The following ARHGAP28 variants were observed in gnomAD, a reference collection of about 807,000 sequenced individuals.
The protein encoded by ARHGAP28 is Rho GTPase activating protein 28, also known as rho GTPase-activating protein 28.
Under a neutral mutation model 90.7 loss-of-function variants are expected in ARHGAP28, and 56 were observed. That is an observed-to-expected ratio of 0.62 (90% CI 0.50 to 0.77). The LOEUF (loss-of-function observed/expected upper bound fraction) is 0.77. ARHGAP28 is among the 30% of genes least tolerant of loss of function. The pLI is 0.00. For missense variants in ARHGAP28, 869 were observed against 900.9 expected (o/e 0.96, Z 0.45); for synonymous variants, 308 against 323.3 (o/e 0.95, Z 0.51).
intron 1 of ARHGAP28, among the ~76,000 whole-genome samples, chr18:6,766,539 C>T (rs1318923796): frequency 6.6e-6 from 1 of 152,070 alleles, no homozygotes; most frequent in African/African-American, 2.4e-5. Flanking sequence ...CTGAGCACAG[C>T]GTGGTACTAA....
chr18:6,844,908 A>G (rs937822580), intron 3 of ARHGAP28, among the ~76,000 whole-genome samples: 1 of 152,226 alleles, frequency 6.6e-6, no homozygotes, highest in Non-Finnish European at 1.5e-5. Flanking sequence ...CTTTAATAAC[A>G]AAAATAACAA....
At chr18:6,877,350 G>A (rs915131253) in intron 10 of ARHGAP28, among the ~76,000 whole-genome samples, 4 of 152,210 alleles carry the variant, frequency 2.6e-5, no homozygotes, top group African/African-American at 9.6e-5. Flanking sequence ...CTGGGGTGAG[G>A]CTCTAACCAC....
rs192782805 is a variant in ARHGAP28, at chr18:6,821,251, A to G, written c.123-3511A>G. Among the ~76,000 whole-genome samples the G allele has an allele frequency of 2.0e-4, 30 of 152,322 alleles. No homozygotes were observed. In the South Asian group the frequency reaches 3.5e-3, roughly 18 times the overall value. On this transcript the variant is annotated intron_variant, in intron 1 of 17. Coordinates refer to ENST00000383472, the MANE Select transcript of ARHGAP28 (RefSeq NM_001366230.1). ...GGCTAAAAAGACAATGGAAGAAAAA[A>G]TAGAATAATAAAATCTTTTCTTAAT...
At chr18:6,834,177 ATTTT>A (rs1031703205) in intron 2 of ARHGAP28, among the ~76,000 whole-genome samples, 1 of 151,818 alleles carries the variant, frequency 6.6e-6, no homozygotes, top group African/African-American at 2.4e-5. Flanking sequence ...AAAAAGCAGA[ATTTT>A]TTTTCTCTCA....
chr18:6,757,996 T>C (rs2056126012), intron 1 of ARHGAP28, among the ~76,000 whole-genome samples: 1 of 152,186 alleles, frequency 6.6e-6, no homozygotes, highest in Non-Finnish European at 1.5e-5. Flanking sequence ...GAGCTATAAA[T>C]TTTTGGCTCT....
intron 5 of ARHGAP28, among the ~76,000 whole-genome samples, chr18:6,865,019 G>C (rs1236930416): frequency 6.6e-6 from 1 of 152,164 alleles, no homozygotes; most frequent in Non-Finnish European, 1.5e-5. Context: ...TATTTTTAAA[G>C]AGATAACTAA....
intron 1 of ARHGAP28, among the ~76,000 whole-genome samples, chr18:6,747,304 A>G (rs1482075306): frequency 3.3e-5 from 5 of 152,124 alleles, no homozygotes; most frequent in African/African-American, 7.2e-5. Context: ...ATGTGTGTAT[A>G]TTGGTCTATA....
intron 4 of ARHGAP28, among the ~76,000 whole-genome samples, chr18:6,854,175 A>G (rs1316801497): frequency 3.3e-5 from 5 of 152,056 alleles, no homozygotes; most frequent in African/African-American, 1.2e-4. Flanking sequence ...TGGAAAACTT[A>G]TATAGTAGAA....
intron 1 of ARHGAP28, chr18:6,730,176 AGCAG>A: frequency 4.3e-6 from 1 of 231,704 alleles, no homozygotes. Flanking sequence ...GAGATTAGCA[AGCAG>A]CAGGATTGCA....
At chr18:6,757,320 G>T (rs758505508) in intron 1 of ARHGAP28, among the ~76,000 whole-genome samples, 12 of 152,092 alleles carry the variant, frequency 7.9e-5, no homozygotes, top group Non-Finnish European at 1.3e-4. Flanking sequence ...TAGGGGGCAG[G>T]GCAGTGTTTA....
intron 1 of ARHGAP28, among the ~76,000 whole-genome samples, chr18:6,813,149 C>G (rs1445725523): frequency 1.3e-5 from 2 of 152,192 alleles, no homozygotes; most frequent in African/African-American, 4.8e-5. Flanking sequence ...ACAGGGAAAG[C>G]TGAGTAAAAT....
At chr18:6,841,180 C>CTCTCTCTCCTCTCTCTCTCTCTCCT (rs1491103592) in intron 3 of ARHGAP28, among the ~76,000 whole-genome samples, 1 of 57,064 alleles carries the variant, frequency 1.8e-5, no homozygotes, top group African/African-American at 1.0e-4. Context: ...CTCTCTCTCT[C>CTCTCTCTCCTCTCTCTCTCTCTCCT]CTCTCTCTCT....
intron 12 of ARHGAP28, 146 bp from the exon 13 acceptor site, chr18:6,889,742 G>T (rs2057249451): frequency 1.4e-6 from 1 of 712,954 alleles, no homozygotes; most frequent in Non-Finnish European, 2.4e-6. Context: ...CTTTTAACCA[G>T]TTAGAGGGGA....
intron 1 of ARHGAP28, among the ~76,000 whole-genome samples, chr18:6,740,917 C>T (rs1220502103): frequency 2.0e-5 from 3 of 152,200 alleles, no homozygotes; most frequent in Non-Finnish European, 4.4e-5. Flanking sequence ...ACAGCGTTCA[C>T]TCAGGCCCAC....
At chr18:6,887,132 A>G (rs1480839467) in intron 11 of ARHGAP28, 25 bp from the exon 12 acceptor site, 8 of 1,599,616 alleles carry the variant, frequency 5.0e-6, no homozygotes, top group African/African-American at 1.3e-5. Context: ...TTTAAAATGT[A>G]TGACTATTTC....
intron 3 of ARHGAP28, among the ~76,000 whole-genome samples, chr18:6,846,960 A>G (rs2056870611): frequency 6.6e-6 from 1 of 152,122 alleles, no homozygotes; most frequent in African/African-American, 2.4e-5. Flanking sequence ...ACAGGGCCAC[A>G]TGTAGGCTGC....
chr18:6,767,361 A>G (rs2056207745), intron 1 of ARHGAP28, among the ~76,000 whole-genome samples: 1 of 152,218 alleles, frequency 6.6e-6, no homozygotes, highest in African/African-American at 2.4e-5. Context: ...AGAAATCAAA[A>G]TAAGAAAATA....
intron 10 of ARHGAP28, among the ~76,000 whole-genome samples, chr18:6,876,968 C>G (rs561172968): frequency 6.6e-6 from 1 of 152,280 alleles, no homozygotes; most frequent in Non-Finnish European, 1.5e-5. Context: ...AGAGCTCATT[C>G]CTGTGGTTGG....
At chr18:6,819,217 C>G (rs1378393748) in intron 1 of ARHGAP28, among the ~76,000 whole-genome samples, 1 of 152,034 alleles carries the variant, frequency 6.6e-6, no homozygotes, top group Non-Finnish European at 1.5e-5. Context: ...ACAAATGCAA[C>G]TTTTTAAAAA....
Sources: allele counts gnomAD v4.1 joint callset (sites outside exome capture counted in the v4.1 genomes callset), GRCh38; gene constraint gnomAD v4.1.1; transcripts MANE v1.5; gene names NCBI Gene and HGNC (gene_info 2026-07-23, HGNC 2026-07-21).